The following CTSD variants were observed in gnomAD, a reference collection of about 807,000 sequenced individuals.
CTSD encodes the protein ceroid-lipofuscinosis, neuronal 10.
CTSD carries 28 observed loss-of-function variants against 43.6 expected under a neutral mutation model. The ratio of observed to expected loss-of-function variants is 0.64; its 90% CI spans 0.48 to 0.88. The LOEUF (loss-of-function observed/expected upper bound fraction) is 0.88, where lower values mean the gene tolerates loss of function less well. Among genes scored for constraint, CTSD ranks in the 40% least tolerant of loss-of-function variants. CTSD has a pLI of 0.00. For missense variants in CTSD, 485 were observed against 555.2 expected (o/e 0.87, Z 1.27); for synonymous variants, 270 against 249.8 (o/e 1.08, Z -0.76).
Position 1,759,062 on chromosome 11 carries a change from G to A in CTSD, c.378C>T (p.Asp126=). The A allele has an allele frequency of 6.2e-6, 10 of 1,614,104 alleles. No individual in the cohort carries two copies. The highest frequency in any genetic ancestry group is 1.1e-5 in the South Asian group (1 of 91,088). The change falls in exon 4 of 9, where the codon GAC becomes GAT. Residue 126 remains aspartate, a synonymous_variant. Coordinates refer to ENST00000236671, the MANE Select transcript of CTSD (RefSeq NM_001909.5). ...ACWIHHKYNS[D]KSSTYVKNGT... Reference sequence around the variant, plus strand: ...CATTCTTCACGTAGGTGCTGGACTTGTCGCTGTTGTACTTGTGGTGGATCC... The same window carrying A: ...CATTCTTCACGTAGGTGCTGGACTTATCGCTGTTGTACTTGTGGTGGATCC...
chr11:1,752,908 G>T lies in CTSD; in HGVS notation c.*595C>A. ...AGGCCAATACATGCCCCTGGGACTG[G>T]CTCAGTCCCAGCACCACCCTGCAGG... is the stretch of plus-strand genomic sequence containing the variant. On this transcript the variant is annotated 3_prime_UTR_variant, in exon 9 of 9. Coordinates refer to ENST00000236671, the MANE Select transcript of CTSD (RefSeq NM_001909.5). 6.0e-6 allele frequency: 1 copy of T among 167,734 alleles called. No individual in the cohort carries two copies. The highest frequency in any genetic ancestry group is 1.3e-5 in the Non-Finnish European group (1 of 77,098). The allele number at this position is 167,734 out of a possible 1,614,324, so 10.4% of individuals were successfully genotyped here.
intron 2 of CTSD, chr11:1,761,019 A>G: frequency 2.1e-6 from 1 of 466,966 alleles, no homozygotes; most frequent in African/African-American, 2.0e-5. Flanking sequence ...GGCCACACTC[A>G]GGCAGGCCCA....
rs1039984157 is a variant in CTSD, at chr11:1,757,304, G to A, written c.704+20C>T. The A allele has an allele frequency of 6.2e-7, 1 of 1,603,748 alleles. No individual in the cohort carries two copies. The highest frequency in any genetic ancestry group is 8.5e-7 in the Non-Finnish European group (1 of 1,171,954). On this transcript the variant is annotated intron_variant, in intron 5 of 8. Coordinates refer to ENST00000236671, the MANE Select transcript of CTSD (RefSeq NM_001909.5). ...CCTGCCTCCCAGCAACGCGGAGCGA[G>A]AGGGAACCCACACGCCCACCTGCTC...
At chr11:1,758,015 G>C in intron 4 of CTSD, 1 of 255,940 alleles carries the variant, frequency 3.9e-6, no homozygotes. Flanking sequence ...CCCAGCCCTG[G>C]ATGAGGCTGC....
chr11:1,763,373 A>T (rs1845907063), intron 1 of CTSD, among the ~76,000 whole-genome samples: 1 of 152,190 alleles, frequency 6.6e-6, no homozygotes, highest in East Asian at 1.9e-4. Flanking sequence ...AGGGGTCCCT[A>T]AGGAAATGGA....
At chr11:1,759,439 G>A (rs1312190910) in intron 3 of CTSD, 77 bp downstream of exon 3, 8 of 1,596,918 alleles carry the variant, frequency 5.0e-6, no homozygotes, top group Non-Finnish European at 6.8e-6. Context: ...CGTTGCCCAA[G>A]TGATTCCTGA....
At chr11:1,761,039 C>T in intron 2 of CTSD, 1 of 505,068 alleles carries the variant, frequency 2.0e-6, no homozygotes, top group Non-Finnish European at 3.6e-6. Context: ...AAGGACCGCC[C>T]CCTCAGGCGA....
chr11:1,761,051 C>A, intron 2 of CTSD: 1 of 524,050 alleles, frequency 1.9e-6, no homozygotes, highest in Non-Finnish European at 3.5e-6. Context: ...CTCAGGCGAG[C>A]TGGCACCAAG....
At chr11:1,761,530 A>ACGC (rs1845877624) in intron 1 of CTSD, 62 bp from the exon 2 acceptor site, 2 of 1,574,242 alleles carry the variant, frequency 1.3e-6, no homozygotes, top group Admixed American at 1.7e-5. Flanking sequence ...GACGCTGCCA[A>ACGC]TGCTGCACAT....
chr11:1,757,662 C>T (rs1183576719), intron 4 of CTSD, 106 bp from the exon 5 acceptor site: 8 of 927,340 alleles, frequency 8.6e-6, no homozygotes, highest in African/African-American at 3.3e-5. Context: ...ATCCCACACA[C>T]GATGGGGCCC....
intron 6 of CTSD, chr11:1,754,387 AGGGATGGAG>A (rs372564622): frequency 1.7e-4 from 68 of 392,368 alleles, no homozygotes; most frequent in East Asian, 9.6e-4. Context: ...AGGGGCATAG[AGGGATGGAG>A]GGGATGGAGG....
rs1845850373 is a variant in CTSD at position 1,759,602 on chromosome 11, G to A, written c.266C>T (p.Pro89Leu). The A allele has an allele frequency of 6.2e-7, 1 of 1,613,520 alleles. No homozygotes were observed. Among genetic ancestry groups the A allele is most frequent in the Non-Finnish European group, 8.5e-7 (1 of 1,179,966 alleles). The change falls in exon 3 of 9, where the codon CCC becomes CTC. Residue 89 changes from proline to leucine, a missense_variant. Transcript: ENST00000236671. ...GTCGAAGACGACTGTGAAGCACTGG[G>A]GGGGCGTCCCGATGCCAATCTCCCC... ...YYGEIGIGTP[P>L]QCFTVVFDTG... is the part of the protein sequence containing the mutation.
intron 6 of CTSD, among the ~76,000 whole-genome samples, chr11:1,754,486 T>C (rs559757445): frequency 3.4e-5 from 1 of 29,558 alleles, no homozygotes; most frequent in Non-Finnish European, 6.7e-5. Context: ...TCATGGAGAG[T>C]CACAGAGGGA....
rs554062876 is a variant in CTSD, at chr11:1,753,520, C to G, written c.1222G>C (p.Glu408Gln). 3 of 1,612,938 alleles carry G rather than the reference C, an allele frequency of 1.9e-6. No homozygotes were observed. In the South Asian group the frequency reaches 3.3e-5, roughly 18 times the overall value. ...DRDNNRVGFA[E>Q]AARL is the part of the protein sequence containing the mutation. ...CTTGGGAACTAGAGGCGGGCAGCCT[C>G]GGCGAAGCCCACCCTGTTGTTGTCA... The change falls in exon 9 of 9, where the codon GAG becomes CAG. Residue 408 changes from glutamate (E) to glutamine (Q), a missense_variant. Glu to Gln is a conservative substitution (Grantham distance 29). Transcript: ENST00000236671.
chr11:1,755,342 G>C (rs1020837712), intron 5 of CTSD: 1 of 435,612 alleles, frequency 2.3e-6, no homozygotes, highest in African/African-American at 2.0e-5. Context: ...AAGGAAGTGA[G>C]TGCCAGGAGC....
At chr11:1,758,528 A>G (rs1845836354) in intron 4 of CTSD, among the ~76,000 whole-genome samples, 1 of 151,848 alleles carries the variant, frequency 6.6e-6, no homozygotes, top group Non-Finnish European at 1.5e-5. Context: ...TTGCCCTCCC[A>G]GGCTCCTGCC....
At position 1,754,593 on chromosome 11, in the gene CTSD, A is replaced by ATG. The variant is rs1306264738; in HGVS notation, c.827+312_827+313insCA. ...GAGATGGAGGGTCATGAAGAGTCAC[A>ATG]GAGGGATGAGGGGATGGAGGGGATG... On this transcript the variant is annotated intron_variant, in intron 6 of 8. Coordinates refer to ENST00000236671, the MANE Select transcript of CTSD (RefSeq NM_001909.5). Among the ~76,000 whole-genome samples, 56 of 70,760 alleles carry ATG rather than the reference A, an allele frequency of 7.9e-4. 2 individuals carry two copies. The highest frequency in any genetic ancestry group is 2.7e-3 in the African/African-American group (51 of 19,168). The allele number at this position is 70,760 out of a possible 152,430, so 46.4% of individuals were successfully genotyped here. A position where few individuals can be genotyped will look rare whatever the true frequency, so the allele number is the denominator to read the frequency against.
At chr11:1,760,904 A>G (rs897681909) in intron 2 of CTSD, 9 of 305,632 alleles carry the variant, frequency 2.9e-5, no homozygotes, top group African/African-American at 2.0e-4. Context: ...AGTAGTGGGC[A>G]CAGGAGGGGC....
intron 1 of CTSD, chr11:1,761,823 G>A: frequency 2.6e-6 from 1 of 391,312 alleles, no homozygotes; most frequent in Non-Finnish European, 4.9e-6. Flanking sequence ...CACCTGCGCT[G>A]GTCTCTTCCA....
Sources: allele counts gnomAD v4.1 joint callset (sites outside exome capture counted in the v4.1 genomes callset), GRCh38; gene constraint gnomAD v4.1.1; transcripts MANE v1.5; gene names NCBI Gene and HGNC (gene_info 2026-07-23, HGNC 2026-07-21).